Variants in PTK2 observed in about 807,000 individuals in gnomAD.
The protein encoded by PTK2 is protein tyrosine kinase 2, also known as focal adhesion kinase 1.
PTK2 carries 45 observed loss-of-function variants against 150.1 expected under a neutral mutation model. The observed-to-expected ratio is 0.30, with a 90% CI of 0.24 to 0.38. The LOEUF is 0.38. Ranked by LOEUF, PTK2 falls within the 10% of genes least tolerant of loss-of-function variation. PTK2 has a pLI of 1.00. For synonymous variants in PTK2, 432 were observed against 449.2 expected, an observed-to-expected ratio of 0.96 and a Z score of 0.48; for missense variants, 919 against 1,307.3, an observed-to-expected ratio of 0.70 and a Z score of 4.58.
At chr8:140,773,445 T>C (rs1396347527) in intron 14 of PTK2, among the ~76,000 whole-genome samples, 1 of 152,098 alleles carries the variant, frequency 6.6e-6, no homozygotes, top group Non-Finnish European at 1.5e-5. Context: ...GAAGGAATAT[T>C]TTCAAGTGGG....
intron 3 of PTK2, among the ~76,000 whole-genome samples, chr8:140,881,240 G>C (rs565046225): frequency 1.3e-5 from 2 of 152,212 alleles, no homozygotes; most frequent in African/African-American, 4.8e-5. Context: ...CCAGCTGAGG[G>C]TGAAAAGAGT....
intron 17 of PTK2, chr8:140,747,184 C>T (rs1014927105): frequency 9.9e-6 from 2 of 202,796 alleles, no homozygotes; most frequent in Non-Finnish European, 2.0e-5. Flanking sequence ...GCCACCGCAC[C>T]CGGCCTAGTT....
chr8:140,688,433 G>A (rs968018812), intron 26 of PTK2, among the ~76,000 whole-genome samples: 11 of 150,032 alleles, frequency 7.3e-5, no homozygotes, highest in East Asian at 5.8e-4. Context: ...CAAATGTAGC[G>A]TTGGGTGTGG....
At chr8:140,659,922 T>C (rs1301691405) in intron 31 of PTK2, among the ~76,000 whole-genome samples, 4 of 152,240 alleles carry the variant, frequency 2.6e-5, no homozygotes, top group Non-Finnish European at 5.9e-5. Context: ...AAAACTTTAT[T>C]TCCTGTAAAT....
intron 1 of PTK2, among the ~76,000 whole-genome samples, chr8:140,944,684 C>A (rs1312458925): frequency 6.6e-6 from 1 of 152,294 alleles, no homozygotes; most frequent in Non-Finnish European, 1.5e-5. Context: ...GTGCTCTTCA[C>A]AAAACTGAGT....
intron 22 of PTK2, among the ~76,000 whole-genome samples, chr8:140,730,956 C>G (rs866060515): frequency 7.6e-6 from 1 of 131,326 alleles, no homozygotes; most frequent in South Asian, 2.7e-4. Flanking sequence ...AAATTAAACC[C>G]CCCCCCCCCT....
intron 7 of PTK2, among the ~76,000 whole-genome samples, chr8:140,834,720 G>C (rs913321933): frequency 1.2e-4 from 19 of 152,136 alleles, no homozygotes; most frequent in African/African-American, 4.6e-4. Context: ...TATAAGATAA[G>C]AGTTTAAAAC....
At chr8:140,730,860 C>T (rs1465775283) in intron 22 of PTK2, among the ~76,000 whole-genome samples, 2 of 151,580 alleles carry the variant, frequency 1.3e-5, no homozygotes, top group Admixed American at 6.6e-5. Flanking sequence ...TTGAACATAC[C>T]TGCAAAAAGG....
chr8:140,752,505 T>A (rs939736364), intron 16 of PTK2, among the ~76,000 whole-genome samples, 189 bp from the exon 20 acceptor site: 4 of 152,230 alleles, frequency 2.6e-5, no homozygotes, highest in African/African-American at 9.6e-5. Flanking sequence ...AAAATGGTCA[T>A]GCACGTGAAA....
chr8:140,875,007 A>G (rs553311737), intron 4 of PTK2, among the ~76,000 whole-genome samples: 60 of 152,370 alleles, frequency 3.9e-4, no homozygotes, highest in African/African-American at 1.3e-3. Context: ...CATATATAAT[A>G]TCAGTCTTCA....
chr8:140,684,392 T>C (rs554625180), intron 27 of PTK2, among the ~76,000 whole-genome samples: 1 of 152,372 alleles, frequency 6.6e-6, no homozygotes, highest in South Asian at 2.1e-4. Flanking sequence ...AGCTCAGGCA[T>C]TAATGCGGGC....
At chr8:140,890,518 A>C in intron 3 of PTK2, 25 bp downstream of exon 3, 1 of 1,566,662 alleles carries the variant, frequency 6.4e-7, no homozygotes, top group Non-Finnish European at 8.8e-7. Context: ...AACATTAAAG[A>C]TGTCTCATGG....
intron 1 of PTK2, among the ~76,000 whole-genome samples, chr8:140,946,170 G>A (rs77231593): frequency 0.011 from 1,693 of 152,242 alleles, 31 homozygotes; most frequent in East Asian, 0.094. Context: ...TACTTACAGA[G>A]CTGTCAGAGT....
chr8:140,921,578 T>C (rs539169872), intron 2 of PTK2, among the ~76,000 whole-genome samples: 3 of 152,238 alleles, frequency 2.0e-5, no homozygotes, highest in Non-Finnish European at 4.4e-5. Flanking sequence ...GGTACCCAAA[T>C]ATTTTTGCTG....
intron 1 of PTK2, among the ~76,000 whole-genome samples, chr8:140,935,554 A>G (rs2100173306): frequency 6.6e-6 from 1 of 152,130 alleles, no homozygotes; most frequent in Non-Finnish European, 1.5e-5. Context: ...ACAAGGGAAG[A>G]CGGGGAGGGG....
At position 140,755,251 on chromosome 8, in the gene PTK2, C is replaced by T. The variant is rs1427143931; in HGVS notation, c.1333-2935G>A. The stretch of plus-strand genomic sequence containing the variant: ...AGAAAAAACAAGCCTGATAATCTTG[C>T]CTAATAAAGAAAAAAATGTGTGCCA... On this transcript the variant is annotated intron_variant, in intron 16 of 31. Transcript: ENST00000522684. Among the ~76,000 whole-genome samples, 3 of 152,026 alleles carry T rather than the reference C, an allele frequency of 2.0e-5. No individual in the cohort carries two copies. The South Asian group carries it at 6.2e-4, about 32-fold the overall frequency.
At chr8:140,974,498 A>G (rs1183318654) in intron 1 of PTK2, among the ~76,000 whole-genome samples, 1 of 152,220 alleles carries the variant, frequency 6.6e-6, no homozygotes, top group East Asian at 1.9e-4. Flanking sequence ...GTCTTTCGGA[A>G]AGGAGGAGAA....
At chr8:140,963,480 T>A (rs2100184124) in intron 1 of PTK2, among the ~76,000 whole-genome samples, 1 of 152,148 alleles carries the variant, frequency 6.6e-6, no homozygotes, top group Non-Finnish European at 1.5e-5. Context: ...ATCCCTGCTC[T>A]CCAATTCTAT....
At chr8:140,974,819 C>T (rs2100188677) in intron 1 of PTK2, among the ~76,000 whole-genome samples, 2 of 152,056 alleles carry the variant, frequency 1.3e-5, no homozygotes, top group South Asian at 4.1e-4. Context: ...GTTCATGGAC[C>T]TAAGAGACAA....
Sources: gnomAD v4.1 joint callset for allele counts (sites outside exome capture counted in the v4.1 genomes callset) on GRCh38, gnomAD v4.1.1 for gene constraint, MANE v1.5 for transcripts, NCBI Gene and HGNC (gene_info 2026-07-23, HGNC 2026-07-21) for gene names.